RALYL: variants seen among roughly 807,000 people sequenced by gnomAD.
RALYL encodes RALY RNA binding protein like, also known as RNA-binding Raly-like protein.
RALYL carries 29 observed loss-of-function variants against 35.1 expected under a neutral mutation model. That is an observed-to-expected ratio of 0.83 (90% CI 0.61 to 1.13). The LOEUF (loss-of-function observed/expected upper bound fraction) is 1.13, where lower values mean the gene tolerates loss of function less well. RALYL is among the 50% of genes most tolerant of loss of function. RALYL has a pLI of 0.00. For missense variants in RALYL, 359 were observed against 360.4 expected, an observed-to-expected ratio of 1.00 and a Z score of 0.03; for synonymous variants, 120 against 127.6, an observed-to-expected ratio of 0.94 and a Z score of 0.40.
chr8:84,404,635 T>G (rs1360227018), intron 1 of RALYL, among the ~76,000 whole-genome samples: 1 of 152,130 alleles, frequency 6.6e-6, no homozygotes, highest in Non-Finnish European at 1.5e-5. Flanking sequence ...GAAATTTTCT[T>G]TTTTTGTTGT....
At chr8:84,542,575 C>T (rs1033007583) in intron 2 of RALYL, among the ~76,000 whole-genome samples, 1 of 152,016 alleles carries the variant, frequency 6.6e-6, no homozygotes, top group Admixed American at 6.6e-5. Context: ...AGGGGCTTTT[C>T]CCCCTTTTGC....
intron 1 of RALYL, among the ~76,000 whole-genome samples, chr8:84,424,133 C>T (rs2046041835): frequency 6.6e-6 from 1 of 151,684 alleles, no homozygotes. Context: ...TGGATAATAT[C>T]ATGCAGAGTG....
rs1393189264 is a variant in RALYL at position 84,438,958 on chromosome 8, T to C, written c.-23-90341T>C. 2.7e-5 allele frequency among the ~76,000 whole-genome samples: 4 copies of C among 149,668 alleles called. No homozygotes were observed. In the South Asian group the frequency reaches 6.4e-4, roughly 24 times the overall value. On this transcript the variant is annotated intron_variant, in intron 1 of 8. Coordinates refer to ENST00000521268, the MANE Select transcript of RALYL (RefSeq NM_173848.7). ...TTGGTCTATGTATCTTTTTTTTTTA[T>C]CAGTACCAACGTAGGCCTTGGTTAC...
chr8:84,746,507 GA>G lies in RALYL; in HGVS notation c.257-28069del, dbSNP rs200195398. On this transcript the variant is annotated intron_variant, in intron 2 of 8. Transcript: ENST00000521268. ...CCCAAGTACAGTATTTGGTAAAGAGGAAATAAGAGAATCAGTCATGGTCCAT... is the reference window on the plus strand; with the variant it reads ...CCCAAGTACAGTATTTGGTAAAGAGGAATAAGAGAATCAGTCATGGTCCAT... Among the ~76,000 whole-genome samples, 1,395 of 152,012 alleles carry G rather than the reference GA, an allele frequency of 9.2e-3. 22 individuals are homozygous for G. Among genetic ancestry groups the G allele is most frequent in the Admixed American group, 0.038 (578 of 15,210 alleles).
At chr8:84,779,309 G>A (rs1253315966) in intron 3 of RALYL, among the ~76,000 whole-genome samples, 1 of 152,184 alleles carries the variant, frequency 6.6e-6, no homozygotes, top group African/African-American at 2.4e-5. Flanking sequence ...TTGTAAAGTA[G>A]ACAGACCTTT....
At chr8:84,446,201 T>A (rs977652039) in intron 1 of RALYL, among the ~76,000 whole-genome samples, 2 of 152,060 alleles carry the variant, frequency 1.3e-5, no homozygotes, top group Non-Finnish European at 2.9e-5. Context: ...TGCAAACTAT[T>A]CATGTGTATT....
intron 1 of RALYL, among the ~76,000 whole-genome samples, chr8:84,269,478 C>T (rs529132385): frequency 6.6e-6 from 1 of 152,250 alleles, no homozygotes; most frequent in South Asian, 2.1e-4. Flanking sequence ...CTGATTTAAA[C>T]CTACTTTGTT....
intron 2 of RALYL, among the ~76,000 whole-genome samples, chr8:84,583,278 CTAAT>C: frequency 6.6e-6 from 1 of 152,248 alleles, no homozygotes; most frequent in African/African-American, 2.4e-5. Context: ...GTTTCCAAAA[CTAAT>C]TGTTGAATTC....
chr8:84,262,346 A>G (rs1832478985), intron 1 of RALYL, among the ~76,000 whole-genome samples: 1 of 152,158 alleles, frequency 6.6e-6, no homozygotes, highest in African/African-American at 2.4e-5. Flanking sequence ...AAGTTTCCTT[A>G]TGTGCAAAGA....
intron 2 of RALYL, among the ~76,000 whole-genome samples, chr8:84,752,670 C>T (rs533828116): frequency 6.6e-6 from 1 of 152,286 alleles, no homozygotes; most frequent in South Asian, 2.1e-4. Context: ...CCAGCTGCTC[C>T]ATCTCCAGCA....
At chr8:84,710,094 A>G (rs1220406255) in intron 2 of RALYL, among the ~76,000 whole-genome samples, 1 of 151,810 alleles carries the variant, frequency 6.6e-6, no homozygotes, top group African/African-American at 2.4e-5. Flanking sequence ...AAAGCTACGA[A>G]TTGTCCTTGA....
intron 1 of RALYL, among the ~76,000 whole-genome samples, chr8:84,256,010 A>C (rs892307543): frequency 2.6e-5 from 4 of 152,162 alleles, no homozygotes; most frequent in Non-Finnish European, 5.9e-5. Context: ...ATCATGAAAT[A>C]ATCTGGGTGA....
chr8:84,885,609 C>T (rs1842820246), intron 7 of RALYL, among the ~76,000 whole-genome samples: 1 of 152,116 alleles, frequency 6.6e-6, no homozygotes, highest in Non-Finnish European at 1.5e-5. Flanking sequence ...ATTTTAAAAA[C>T]ATCAAGGCGT....
At chr8:84,463,107 C>T (rs2051007732) in intron 1 of RALYL, among the ~76,000 whole-genome samples, 1 of 151,910 alleles carries the variant, frequency 6.6e-6, no homozygotes, top group Admixed American at 6.6e-5. Flanking sequence ...GTGTCTTTCA[C>T]TCTTTCTCAT....
intron 6 of RALYL, among the ~76,000 whole-genome samples, chr8:84,870,669 G>T: frequency 6.6e-6 from 1 of 151,890 alleles, no homozygotes; most frequent in East Asian, 1.9e-4. Context: ...GAGAGAAGTT[G>T]TTAACAGGAG....
intron 2 of RALYL, among the ~76,000 whole-genome samples, chr8:84,665,248 T>A (rs2131718641): frequency 6.6e-6 from 1 of 152,240 alleles, no homozygotes; most frequent in Non-Finnish European, 1.5e-5. Flanking sequence ...TTTGCATTGA[T>A]CTTCATCAAC....
chr8:84,838,170 T>G (rs924767754), intron 4 of RALYL, among the ~76,000 whole-genome samples: 9 of 152,112 alleles, frequency 5.9e-5, no homozygotes, highest in Admixed American at 4.6e-4. Flanking sequence ...AGCAATACAG[T>G]TCTAGGATAT....
intron 2 of RALYL, among the ~76,000 whole-genome samples, chr8:84,547,286 C>A (rs1185980495): frequency 6.6e-6 from 1 of 152,100 alleles, no homozygotes; most frequent in Non-Finnish European, 1.5e-5. Flanking sequence ...TTATTTCTGG[C>A]ACTTGATATG....
intron 8 of RALYL, among the ~76,000 whole-genome samples, chr8:84,912,704 G>A (rs562224254): frequency 3.3e-5 from 5 of 152,100 alleles, no homozygotes; most frequent in South Asian, 4.1e-4. Context: ...AAGGACCCAC[G>A]TTTTTAGAGG....
Sources: gnomAD v4.1 joint callset for allele counts (sites outside exome capture counted in the v4.1 genomes callset) on GRCh38, gnomAD v4.1.1 for gene constraint, MANE v1.5 for transcripts, NCBI Gene and HGNC (gene_info 2026-07-23, HGNC 2026-07-21) for gene names.